Variants in PLPPR4 observed in about 807,000 individuals in gnomAD.
PLPPR4 encodes phospholipid phosphatase-related protein type 4.
Under a neutral mutation model 56.6 loss-of-function variants are expected in PLPPR4, and 24 were observed. The ratio of observed to expected loss-of-function variants is 0.42; its 90% CI spans 0.31 to 0.60. The LOEUF (loss-of-function observed/expected upper bound fraction) is 0.60. Ranked by LOEUF, PLPPR4 falls within the 20% of genes least tolerant of loss-of-function variation. The pLI is 0.13. For missense variants in PLPPR4, 654 were observed against 885.8 expected (o/e 0.74, Z 3.32); for synonymous variants, 326 against 328.1 (o/e 0.99, Z 0.07).
chr1:99,287,825 G>C, intron 1 of PLPPR4, 140 bp from the exon 2 acceptor site: 1 of 641,958 alleles, frequency 1.6e-6, no homozygotes, highest in Non-Finnish European at 2.7e-6. Flanking sequence ...GTTGAAGGTA[G>C]AAGTAATAGA....
chr1:99,277,655 A>G (rs1189375638), intron 1 of PLPPR4, among the ~76,000 whole-genome samples: 2 of 152,048 alleles, frequency 1.3e-5, no homozygotes, highest in African/African-American at 4.8e-5. Context: ...AAGCTTCATC[A>G]TAAATTCAAT....
rs1659809895 is a variant in PLPPR4 at position 99,298,826 on chromosome 1, G to A, written c.395-209G>A. ...CACCAAATTAACAAAAGTGCCTAAA[G>A]TTACTACTTTGGAGATACTCATTGC... is the stretch of plus-strand genomic sequence containing the variant. On this transcript the variant is annotated intron_variant, in intron 3 of 6. Transcript: ENST00000370185. 5 of 644,672 alleles carry A rather than the reference G, an allele frequency of 7.8e-6. No homozygotes were observed. The East Asian group carries it at 1.1e-4, about 14-fold the overall frequency. The allele number at this position is 644,672 out of a possible 1,614,324, so 39.9% of individuals were successfully genotyped here.
intron 6 of PLPPR4, among the ~76,000 whole-genome samples, chr1:99,302,626 T>C (rs1431800671): frequency 2.0e-5 from 3 of 149,706 alleles, no homozygotes; most frequent in Non-Finnish European, 4.4e-5. Flanking sequence ...AACTCGTCAT[T>C]TAGCATTAGG....
rs749513470 is a variant in PLPPR4 at position 99,306,806 on chromosome 1, C to T, written c.1944C>T (p.His648=). 3.7e-6 allele frequency: 6 copies of T among 1,613,930 alleles called. No homozygotes were observed. In the African/African-American group the frequency reaches 6.7e-5, roughly 18 times the overall value. ...KRSNIDSNEH[H]HHGITTIRVT... is the part of the protein sequence containing the mutation. ...GCAACATTGATAGCAATGAGCATCA[C>T]CACCACGGAATTACCACCATCCGCG... The change falls in exon 7 of 7, where the codon CAC becomes CAT. Residue 648 remains histidine, a synonymous_variant. Transcript: ENST00000370185. This position sits in a 1 kb window ranked among gnomAD's most constrained non-coding sequence, Gnocchi z 4.0.
intron 1 of PLPPR4, among the ~76,000 whole-genome samples, chr1:99,278,917 A>G (rs1010853430): frequency 1.3e-5 from 2 of 152,144 alleles, no homozygotes; most frequent in Non-Finnish European, 2.9e-5. Context: ...GCTATGGAGG[A>G]TCCAATTTAA....
At chr1:99,278,740 T>C (rs1659252309) in intron 1 of PLPPR4, among the ~76,000 whole-genome samples, 1 of 152,142 alleles carries the variant, frequency 6.6e-6, no homozygotes, top group African/African-American at 2.4e-5. Context: ...AACAACCACT[T>C]ATCATTATTT....
rs569946665 is a variant in PLPPR4, at chr1:99,306,413, G to A, written c.1551G>A (p.Val517=). Residue 517 remains valine (V), a synonymous_variant, in exon 7 of 7, where the codon GTG becomes GTA. Transcript: ENST00000370185. The surrounding 1 kb of genome is among the most constrained non-coding windows in gnomAD (Gnocchi z 4.0). ...GGTTAAAAGCTGCTGAAAAGACTGT[G>A]GCCTGTAACAGAAGCAACAGCCAGC... ...AKWLKAAEKT[V]ACNRSNSQPR... 4 of 1,614,140 alleles carry A rather than the reference G, an allele frequency of 2.5e-6. No individual in the cohort carries two copies. In the Admixed American group the frequency reaches 5.0e-5, roughly 20 times the overall value.
rs1330475034 is a variant in PLPPR4 at position 99,307,641 on chromosome 1, G to T, written c.*631G>T. 1.3e-5 allele frequency: 2 copies of T among 152,176 alleles called. No individual in the cohort carries two copies. Among genetic ancestry groups the T allele is most frequent in the African/African-American group, 4.8e-5 (2 of 41,456 alleles). 9.4% of individuals were successfully genotyped at this position (152,176 alleles called of 1,614,324 possible). A position where few individuals can be genotyped will look rare whatever the true frequency, so the allele number is the denominator to read the frequency against. On this transcript the variant is annotated 3_prime_UTR_variant, in exon 7 of 7. Transcript: ENST00000370185. ...AGTGGCTCTGTCACAGTCAAAAAAT[G>T]AAAAGGTTTTTGTGCGTTTCTTCAA...
chr1:99,307,632 T>A lies in PLPPR4; in HGVS notation c.*622T>A, dbSNP rs748345400. ...CTTCTCTGTAGTGGCTCTGTCACAGTCAAAAAATGAAAAGGTTTTTGTGCG... is the reference window on the plus strand; with the variant it reads ...CTTCTCTGTAGTGGCTCTGTCACAGACAAAAAATGAAAAGGTTTTTGTGCG... On this transcript the variant is annotated 3_prime_UTR_variant, in exon 7 of 7. Coordinates refer to ENST00000370185, the MANE Select transcript of PLPPR4 (RefSeq NM_014839.5). 6.6e-6 allele frequency: 1 copy of A among 152,188 alleles called. No homozygotes were observed. The highest frequency in any genetic ancestry group is 1.5e-5 in the Non-Finnish European group (1 of 68,034). 9.4% of individuals were successfully genotyped at this position (152,188 alleles called of 1,614,324 possible).
chr1:99,264,579 G>C lies in PLPPR4; in HGVS notation c.-15G>C. 1 of 1,550,894 alleles carries C rather than the reference G, an allele frequency of 6.4e-7. No homozygotes were observed. Among genetic ancestry groups the C allele is most frequent in the Non-Finnish European group, 8.7e-7 (1 of 1,147,050 alleles). ...CTCGCCCGGGGGAGGACGCAGACCC[G>C]GGCAGGCGGCAGGGATGTCGGCGAA... On this transcript the variant is annotated 5_prime_UTR_variant, in exon 1 of 7. Coordinates refer to ENST00000370185, the MANE Select transcript of PLPPR4 (RefSeq NM_014839.5).
chr1:99,302,275 T>A (rs1659898823), intron 6 of PLPPR4, among the ~76,000 whole-genome samples: 2 of 152,028 alleles, frequency 1.3e-5, no homozygotes, highest in South Asian at 4.1e-4. Flanking sequence ...ACACCACAAA[T>A]TTAGCACCTG....
intron 3 of PLPPR4, among the ~76,000 whole-genome samples, chr1:99,297,100 C>T (rs1452586235): frequency 2.0e-5 from 3 of 152,068 alleles, no homozygotes; most frequent in Non-Finnish European, 4.4e-5. Context: ...CCATGTGTTT[C>T]AATTTATTTT....
Position 99,264,510 on chromosome 1 carries a change from T to C in PLPPR4, c.-84T>C. 2.6e-6 allele frequency: 4 copies of C among 1,544,406 alleles called. No individual in the cohort carries two copies. On this transcript the variant is annotated 5_prime_UTR_variant, in exon 1 of 7. Coordinates refer to ENST00000370185, the MANE Select transcript of PLPPR4 (RefSeq NM_014839.5). The stretch of plus-strand genomic sequence containing the variant: ...ATGTGACATCAGCGGCGCCGGGCGC[T>C]TGGGGCTGGAGGAGGCAGCTCGCCT...
chr1:99,264,532 G>A lies in PLPPR4; in HGVS notation c.-62G>A, dbSNP rs1658842338. 1.9e-6 allele frequency: 3 copies of A among 1,550,636 alleles called. No individual in the cohort carries two copies. In the Admixed American group the frequency reaches 5.9e-5, roughly 30 times the overall value. ...CGCTTGGGGCTGGAGGAGGCAGCTC[G>A]CCTCAGCTGCGCTGTGCACACCTCG... On this transcript the variant is annotated 5_prime_UTR_variant, in exon 1 of 7. Transcript: ENST00000370185.
At chr1:99,294,962 G>A (rs1659707560) in intron 2 of PLPPR4, among the ~76,000 whole-genome samples, 1 of 152,114 alleles carries the variant, frequency 6.6e-6, no homozygotes, top group African/African-American at 2.4e-5. Context: ...TAATTTTCTG[G>A]AAATGATGAA....
At position 99,307,898 on chromosome 1, in the gene PLPPR4, TATTG is replaced by T. The variant is rs1169232815; in HGVS notation, c.*892_*895del. 2 of 152,224 alleles carry T rather than the reference TATTG, an allele frequency of 1.3e-5. No homozygotes were observed. The highest frequency in any genetic ancestry group is 4.8e-5 in the African/African-American group (2 of 41,470). The allele number at this position is 152,224 out of a possible 1,614,324, so 9.4% of individuals were successfully genotyped here. On this transcript the variant is annotated 3_prime_UTR_variant, in exon 7 of 7. Transcript: ENST00000370185. ...TGCTTTCTATGGCTTCTCCTTAACT[TATTG>T]ATTAATTTTTTGAAGTTATAGATAT...
intron 2 of PLPPR4, 57 bp downstream of exon 2, chr1:99,288,207 AT>A (rs1324510849): frequency 1.3e-6 from 2 of 1,487,080 alleles, no homozygotes. Context: ...AAATCACCAC[AT>A]TTGTATAATA....
intron 2 of PLPPR4, among the ~76,000 whole-genome samples, chr1:99,291,742 A>C (rs896761292): frequency 1.3e-5 from 2 of 152,140 alleles, no homozygotes; most frequent in Non-Finnish European, 2.9e-5. Flanking sequence ...ATAGGCACAT[A>C]GAGGGGAAAG....
intron 1 of PLPPR4, among the ~76,000 whole-genome samples, chr1:99,266,441 G>A (rs939740527): frequency 6.6e-6 from 1 of 152,212 alleles, no homozygotes; most frequent in African/African-American, 2.4e-5. Flanking sequence ...GCGCTTTTGA[G>A]GCATCTTTAA....
Sources: gnomAD v4.1 joint callset for allele counts (sites outside exome capture counted in the v4.1 genomes callset) on GRCh38, gnomAD v4.1.1 for gene constraint, Gnocchi (gnomAD v3.1) non-coding constraint, MANE v1.5 for transcripts, NCBI Gene and HGNC (gene_info 2026-07-23, HGNC 2026-07-21) for gene names.